TXNDC8: variants seen among roughly 807,000 people sequenced by gnomAD.
The protein encoded by TXNDC8 is thioredoxin domain-containing protein 8.
TXNDC8 carries 15 observed loss-of-function variants against 12.9 expected under a neutral mutation model. That is an observed-to-expected ratio of 1.16 (90% CI 0.78 to 1.79). TXNDC8 has a LOEUF of 1.79. Ranked by LOEUF, TXNDC8 falls within the 40% of genes most tolerant of loss-of-function variation. The pLI is 0.00. For synonymous variants in TXNDC8, 40 were observed against 35.4 expected (o/e 1.13, Z -0.46); for missense variants, 128 against 113.2 (o/e 1.13, Z -0.59).
At chr9:110,317,438 TG>T (rs1838927046) in intron 3 of TXNDC8, among the ~76,000 whole-genome samples, 1 of 152,216 alleles carries the variant, frequency 6.6e-6, no homozygotes. Flanking sequence ...TCTCTCCTTT[TG>T]GGGATGCTCT....
chr9:110,334,543 C>G (rs1250520440), intron 1 of TXNDC8, among the ~76,000 whole-genome samples: 2 of 152,102 alleles, frequency 1.3e-5, no homozygotes, highest in Non-Finnish European at 2.9e-5. Flanking sequence ...CTTATCTGGC[C>G]ATGTTAGTTC....
chr9:110,303,070 A>T (rs2118668299), downstream of TXNDC8, among the ~76,000 whole-genome samples: 1 of 152,274 alleles, frequency 6.6e-6, no homozygotes, highest in Non-Finnish European at 1.5e-5. Context: ...TCAAAAAAAA[A>T]AAATGATGCA....
downstream of TXNDC8, chr9:110,303,447 T>C (rs1838313597): frequency 6.8e-7 from 1 of 1,467,700 alleles, no homozygotes; most frequent in Admixed American, 2.1e-5. Flanking sequence ...CAGTATTTGC[T>C]GGAAATGAAA....
intron 3 of TXNDC8, among the ~76,000 whole-genome samples, chr9:110,315,697 G>C (rs1838860710): frequency 6.7e-6 from 1 of 149,336 alleles, no homozygotes; most frequent in Non-Finnish European, 1.5e-5. Context: ...TTTTTTTGTA[G>C]AGATAGGGTT....
chr9:110,334,580 G>A (rs970241815), intron 1 of TXNDC8, among the ~76,000 whole-genome samples: 1 of 152,074 alleles, frequency 6.6e-6, no homozygotes, highest in South Asian at 2.1e-4. Context: ...GGTGTACCAT[G>A]CCATTGTTCT....
At chr9:110,301,653 C>T (rs72757076), downstream of TXNDC8, among the ~76,000 whole-genome samples, 1,332 of 152,150 alleles carry the variant, frequency 8.8e-3, 11 homozygotes, top group Non-Finnish European at 0.012. Context: ...GAGTTATTGG[C>T]AGGGACTACT....
At chr9:110,334,050 T>C (rs183037503) in intron 2 of TXNDC8, among the ~76,000 whole-genome samples, 166 bp downstream of exon 2, 21 of 152,344 alleles carry the variant, frequency 1.4e-4, no homozygotes, top group Non-Finnish European at 2.6e-4. Context: ...GTACACTTAT[T>C]ATCTAATTAG....
intron 3 of TXNDC8, among the ~76,000 whole-genome samples, chr9:110,324,693 C>T (rs1032197775): frequency 5.3e-5 from 8 of 151,868 alleles, no homozygotes; most frequent in African/African-American, 1.7e-4. Flanking sequence ...ATTTCTGTAC[C>T]GAAAGTTCCC....
At chr9:110,311,628 A>AG (rs1838681767) in intron 3 of TXNDC8, among the ~76,000 whole-genome samples, 1 of 133,768 alleles carries the variant, frequency 7.5e-6, no homozygotes, top group African/African-American at 2.9e-5. Flanking sequence ...TAATAGATAT[A>AG]TATATCTCCA....
At chr9:110,331,901 A>G (rs7045751) in intron 2 of TXNDC8, among the ~76,000 whole-genome samples, 152,176 of 152,314 alleles carry the variant, frequency 1, 76,019 homozygotes, top group Middle Eastern at 1. Flanking sequence ...AGTGGTACTG[A>G]TCCATGGCTT....
intron 3 of TXNDC8, chr9:110,324,085 T>A: frequency 6.9e-7 from 1 of 1,459,374 alleles, no homozygotes. Context: ...GAATGGATGC[T>A]GGGTGCCAAA....
At chr9:110,332,392 G>A (rs1224571778) in intron 2 of TXNDC8, among the ~76,000 whole-genome samples, 2 of 152,140 alleles carry the variant, frequency 1.3e-5, no homozygotes, top group Non-Finnish European at 2.9e-5. Flanking sequence ...AGGCGGATAA[G>A]GGATGTTGTG....
intron 2 of TXNDC8, among the ~76,000 whole-genome samples, chr9:110,333,235 G>C (rs938913211): frequency 1.3e-4 from 20 of 152,148 alleles, no homozygotes; most frequent in African/African-American, 4.8e-4. Context: ...TGGGTGAGCT[G>C]TCATTACTGC....
chr9:110,305,954 A>G (rs1838456681), intron 3 of TXNDC8, among the ~76,000 whole-genome samples: 1 of 151,248 alleles, frequency 6.6e-6, no homozygotes, highest in Non-Finnish European at 1.5e-5. Context: ...AGCTCACTGC[A>G]ACCTCAGCTC....
chr9:110,303,467 C>G, downstream of TXNDC8: 1 of 1,501,016 alleles, frequency 6.7e-7, no homozygotes, highest in Non-Finnish European at 9.0e-7. Flanking sequence ...AGCACAAACA[C>G]ATTTGCTCTT....
intron 3 of TXNDC8, among the ~76,000 whole-genome samples, chr9:110,322,015 A>G (rs1326630349): frequency 1.3e-5 from 2 of 152,244 alleles, no homozygotes; most frequent in Non-Finnish European, 2.9e-5. Flanking sequence ...TATCTTTTGC[A>G]TAGAAAATTG....
chr9:110,313,507 C>T (rs892073915), intron 3 of TXNDC8, among the ~76,000 whole-genome samples: 2 of 152,048 alleles, frequency 1.3e-5, no homozygotes, highest in Non-Finnish European at 2.9e-5. Flanking sequence ...TTGAGACCAG[C>T]CTGGCCAACG....
chr9:110,323,871 T>C (rs1296094311), intron 3 of TXNDC8: 6 of 1,550,308 alleles, frequency 3.9e-6, no homozygotes, highest in Non-Finnish European at 1.7e-6. Flanking sequence ...AGGAGAAGGT[T>C]ATTTACCTAG....
intron 2 of TXNDC8, among the ~76,000 whole-genome samples, chr9:110,328,434 A>T (rs1028019744): frequency 2.6e-5 from 4 of 152,172 alleles, no homozygotes; most frequent in Non-Finnish European, 5.9e-5. Context: ...TCAAAAAAAC[A>T]CACAAAAAGC....
Sources: gnomAD v4.1 joint callset for allele counts (sites outside exome capture counted in the v4.1 genomes callset) on GRCh38, gnomAD v4.1.1 for gene constraint, MANE v1.5 for transcripts, NCBI Gene and HGNC (gene_info 2026-07-23, HGNC 2026-07-21) for gene names.